The following PARP16 variants were observed in gnomAD, a reference collection of about 807,000 sequenced individuals.
The protein encoded by PARP16 is protein mono-ADP-ribosyltransferase PARP16.
In PARP16, 31 loss-of-function variants were observed where a neutral mutation model predicts 35.0. The ratio of observed to expected loss-of-function variants is 0.88; its 90% CI spans 0.66 to 1.19. The LOEUF (loss-of-function observed/expected upper bound fraction) is 1.19. Ranked by LOEUF, PARP16 falls within the 50% of genes most tolerant of loss-of-function variation. PARP16 has a pLI of 0.00. For missense variants in PARP16, 424 were observed against 411.2 expected (o/e 1.03, Z -0.27); for synonymous variants, 162 against 169.5 (o/e 0.96, Z 0.34).
intron 3 of PARP16, among the ~76,000 whole-genome samples, chr15:65,238,335 T>C (rs1383406384): frequency 6.6e-6 from 1 of 152,084 alleles, no homozygotes; most frequent in Non-Finnish European, 1.5e-5. Flanking sequence ...TTTATCTCCA[T>C]CCAGACCCTT....
intron 2 of PARP16, among the ~76,000 whole-genome samples, chr15:65,252,277 A>AAT (rs1434331645): frequency 2.0e-5 from 3 of 152,190 alleles, no homozygotes; most frequent in Admixed American, 6.5e-5. Context: ...GGGTGACAAG[A>AAT]ACAACAGATG....
chr15:65,262,239 T>C (rs2089752050), intron 4 of PARP16, among the ~76,000 whole-genome samples: 1 of 151,630 alleles, frequency 6.6e-6, no homozygotes, highest in African/African-American at 2.4e-5. Context: ...ATCAAGCGAT[T>C]CTCATGACTC....
intron 3 of PARP16, among the ~76,000 whole-genome samples, chr15:65,264,948 T>C (rs1351092326): frequency 1.3e-5 from 2 of 152,188 alleles, no homozygotes; most frequent in African/African-American, 2.4e-5. Context: ...AAGAGTATAA[T>C]CTGCAGGCAA....
At chr15:65,254,963 G>C (rs2089459795), downstream of PARP16, among the ~76,000 whole-genome samples, 1 of 152,282 alleles carries the variant, frequency 6.6e-6, no homozygotes, top group Middle Eastern at 3.4e-3. Flanking sequence ...ATGGGATGCT[G>C]TGCATTTTCA....
At position 65,235,861 on chromosome 15, in the gene PARP16, G is replaced by GTT. The variant is rs752611247; in HGVS notation, c.*98-1040_*98-1039dup. Among the ~76,000 whole-genome samples the GTT allele has an allele frequency of 1.3e-3, 163 of 121,974 alleles. 2 individuals are homozygous for GTT. The highest frequency in any genetic ancestry group is 2.8e-3 in the African/African-American group (92 of 32,564). 80.0% of individuals were successfully genotyped at this position (121,974 alleles called of 152,430 possible). On this transcript the variant is annotated intron_variant and NMD_transcript_variant, in intron 3 of 3. Coordinates refer to the PARP16 transcript ENST00000559805. ...AAAAAAAAAAAAAATTGCAGATATG[G>GTT]TTTTTTTTTTTTTTTTTTTGAGACT...
intron 3 of PARP16, among the ~76,000 whole-genome samples, chr15:65,245,919 C>T (rs2089197943): frequency 1.3e-5 from 2 of 152,274 alleles, no homozygotes; most frequent in South Asian, 4.1e-4. Flanking sequence ...CTAGTTCTGG[C>T]CCCAAGCAGA....
intron 3 of PARP16, among the ~76,000 whole-genome samples, chr15:65,242,689 C>T (rs1237381684): frequency 2.0e-5 from 3 of 152,048 alleles, no homozygotes; most frequent in African/African-American, 7.2e-5. Context: ...TGCAACTTTG[C>T]TAACCTCAGT....
intron 2 of PARP16, among the ~76,000 whole-genome samples, chr15:65,251,131 G>T (rs1461419668): frequency 2.0e-5 from 3 of 151,878 alleles, no homozygotes; most frequent in East Asian, 1.9e-4. Flanking sequence ...TGATCTGCAG[G>T]CTTCAGCCTC....
At chr15:65,268,723 C>G (rs1003873280) in intron 2 of PARP16, among the ~76,000 whole-genome samples, 1 of 152,056 alleles carries the variant, frequency 6.6e-6, no homozygotes, top group Admixed American at 6.5e-5. Flanking sequence ...GGATTACAGG[C>G]GCAAGCCACT....
exon 3 of PARP16, chr15:65,248,149 C>T: frequency 2.2e-6 from 1 of 456,486 alleles, no homozygotes; most frequent in South Asian, 1.5e-5. Flanking sequence ...TTCCATGAGG[C>T]CCTTGTCCTG....
chr15:65,244,429 C>T lies in PARP16; in HGVS notation c.*97+3688G>A, dbSNP rs139017917. On this transcript the variant is annotated intron_variant and NMD_transcript_variant, in intron 3 of 3. Transcript: ENST00000559805. ...GCGGAAGATGAAGGAAGAGCAAAGT[C>T]ACATCTTACATGGCAGCAGGCAAGA... is the stretch of plus-strand genomic sequence containing the variant. 5.5e-3 allele frequency among the ~76,000 whole-genome samples: 830 copies of T among 152,278 alleles called. 11 individuals are homozygous for T. The highest frequency in any genetic ancestry group is 0.019 in the African/African-American group (799 of 41,530).
chr15:65,269,386 C>T (rs1237044854), intron 2 of PARP16, among the ~76,000 whole-genome samples: 1 of 151,746 alleles, frequency 6.6e-6, no homozygotes, highest in Non-Finnish European at 1.5e-5. Flanking sequence ...TTAGTAGAGA[C>T]GGGGTTCCAC....
intron 3 of PARP16, among the ~76,000 whole-genome samples, chr15:65,236,156 G>A (rs11632307): frequency 0.23 from 35,156 of 151,992 alleles, 4,696 homozygotes; most frequent in Admixed American, 0.31. Flanking sequence ...ACTGTGCCCA[G>A]CCCTGCAGAC....
At chr15:65,235,264 G>T (rs976228934) in intron 3 of PARP16, among the ~76,000 whole-genome samples, 6 of 151,810 alleles carry the variant, frequency 4.0e-5, no homozygotes, top group Non-Finnish European at 8.8e-5. Context: ...CCGAGATCGC[G>T]CCACTGCACT....
At chr15:65,275,917 G>A (rs2090239590) in intron 1 of PARP16, among the ~76,000 whole-genome samples, 1 of 152,140 alleles carries the variant, frequency 6.6e-6, no homozygotes, top group Non-Finnish European at 1.5e-5. Context: ...AATCCCACCT[G>A]TGAGTCACAG....
chr15:65,266,770 T>C lies in PARP16; in HGVS notation c.313-2A>G. On this transcript the variant is annotated splice_acceptor_variant, in intron 2 of 5. Transcript: ENST00000649807. LOFTEE classifies it high-confidence loss of function. The stretch of plus-strand genomic sequence containing the variant: ...AGTCAGCTTTTGGATCTTTTCAAAC[T>C]TGAAAACATGAAGAGCATCAAAATT... 1 of 1,610,438 alleles carries C rather than the reference T, an allele frequency of 6.2e-7. No homozygotes were observed. The highest frequency in any genetic ancestry group is 8.5e-7 in the Non-Finnish European group (1 of 1,177,128).
In PARP16 at chr15:65,286,243, G is replaced by A; in HGVS notation, c.174+10C>T. On this transcript the variant is annotated intron_variant, in intron 1 of 5. Coordinates refer to ENST00000649807, the MANE Select transcript of PARP16 (RefSeq NM_001316943.2). ...ACGCAGTGGGCAGCGCCAGGACAAAGCACACTCACCAGGGCTTCAAAGTCC... is the reference window on the plus strand; with the variant it reads ...ACGCAGTGGGCAGCGCCAGGACAAAACACACTCACCAGGGCTTCAAAGTCC... 3.2e-6 allele frequency: 5 copies of A among 1,557,372 alleles called. No homozygotes were observed. Among genetic ancestry groups the A allele is most frequent in the East Asian group, 2.4e-5 (1 of 40,854 alleles).
At chr15:65,246,081 G>A (rs964109273) in intron 3 of PARP16, among the ~76,000 whole-genome samples, 5 of 152,102 alleles carry the variant, frequency 3.3e-5, no homozygotes, top group African/African-American at 1.2e-4. Context: ...GGGGTGGCCA[G>A]CATGACCTCC....
At chr15:65,285,548 GA>G in intron 1 of PARP16, 1 of 380,198 alleles carries the variant, frequency 2.6e-6, no homozygotes, top group Non-Finnish European at 5.2e-6. Context: ...CCATGGCAAG[GA>G]AGGGAGACTG....
Sources: gnomAD v4.1 joint callset for allele counts (sites outside exome capture counted in the v4.1 genomes callset) on GRCh38, gnomAD v4.1.1 for gene constraint, MANE v1.5 for transcripts, NCBI Gene and HGNC (gene_info 2026-07-23, HGNC 2026-07-21) for gene names.